Variants in NFATC3 observed in about 807,000 individuals in gnomAD.
The protein encoded by NFATC3 is nuclear factor of activated T cells 3, also known as nuclear factor of activated T-cells, cytoplasmic 3.
NFATC3 carries 46 observed loss-of-function variants against 98.6 expected under a neutral mutation model. The observed-to-expected ratio is 0.47, with a 90% confidence interval of 0.37 to 0.60. The LOEUF (loss-of-function observed/expected upper bound fraction) is 0.60. Ranked by LOEUF, NFATC3 falls within the 20% of genes least tolerant of loss-of-function variation. The pLI is 0.00. For synonymous variants in NFATC3, 512 were observed against 472.2 expected (o/e 1.08, Z -1.09); for missense variants, 1,256 against 1,295.5 (o/e 0.97, Z 0.47).
At position 68,183,285 on chromosome 16, in the gene NFATC3, A is replaced by G. The variant is rs774142846; in HGVS notation, c.2017A>G (p.Thr673Ala). Residue 673 changes from threonine (T) to alanine (A), a missense_variant, in exon 8 of 10, where the codon ACA becomes GCA. This residue lies in a region of NFATC3 where 636 missense variants were observed against 617.3 expected (regional missense o/e 1.03). Coordinates refer to ENST00000346183, the MANE Select transcript of NFATC3 (RefSeq NM_173165.3). ...TCCTCCATATCATAACCCAGCAGTT[A>G]CAGCTGCAGTGCAGGTGCACTTTTA... ...EVPPYHNPAV[T>A]AAVQVHFYLC... 1.6e-5 allele frequency: 25 copies of G among 1,607,190 alleles called. No homozygotes were observed. The African/African-American group carries it at 3.2e-4, about 21-fold the overall frequency.
intron 1 of NFATC3, among the ~76,000 whole-genome samples, chr16:68,095,734 C>T (rs1393636374): frequency 1.3e-5 from 2 of 152,120 alleles, no homozygotes; most frequent in Non-Finnish European, 2.9e-5. Flanking sequence ...TTTGCTTTGT[C>T]AGAGTCCTTG....
At chr16:68,160,395 G>A (rs908619432) in intron 4 of NFATC3, among the ~76,000 whole-genome samples, 1 of 152,048 alleles carries the variant, frequency 6.6e-6, no homozygotes, top group Non-Finnish European at 1.5e-5. Context: ...AATCCAGGAG[G>A]CAGAGGTTGT....
chr16:68,118,637 T>G (rs2036414384), intron 1 of NFATC3, among the ~76,000 whole-genome samples: 1 of 152,190 alleles, frequency 6.6e-6, no homozygotes, highest in Admixed American at 6.5e-5. Context: ...GATCTTTTGG[T>G]CTTATGGCTT....
chr16:68,111,381 T>C (rs2035938804), intron 1 of NFATC3, among the ~76,000 whole-genome samples: 1 of 152,216 alleles, frequency 6.6e-6, no homozygotes, highest in Non-Finnish European at 1.5e-5. Context: ...CTGTATGCCC[T>C]TCTTTGTCTT....
intron 1 of NFATC3, among the ~76,000 whole-genome samples, chr16:68,111,703 G>A (rs1156726917): frequency 6.6e-6 from 1 of 152,180 alleles, no homozygotes; most frequent in Non-Finnish European, 1.5e-5. Context: ...TGTTAATGTA[G>A]TTGCTTCATA....
chr16:68,178,955 T>C (rs1003617937), intron 6 of NFATC3, among the ~76,000 whole-genome samples: 1 of 152,212 alleles, frequency 6.6e-6, no homozygotes, highest in Non-Finnish European at 1.5e-5. Context: ...CTCCTTATTA[T>C]GGCATTCAGG....
intron 1 of NFATC3, among the ~76,000 whole-genome samples, chr16:68,116,139 C>CACA (rs2036265756): frequency 6.6e-6 from 1 of 152,032 alleles, no homozygotes; most frequent in Non-Finnish European, 1.5e-5. Flanking sequence ...TTCAGTAAAA[C>CACA]GTTATTTATG....
intron 5 of NFATC3, among the ~76,000 whole-genome samples, chr16:68,169,822 T>G (rs1809058100): frequency 6.6e-6 from 1 of 151,750 alleles, no homozygotes; most frequent in South Asian, 2.1e-4. Flanking sequence ...GTGCCTGTAA[T>G]CCCAGCTACT....
intron 3 of NFATC3, among the ~76,000 whole-genome samples, chr16:68,141,097 A>G (rs1292232088): frequency 2.6e-5 from 4 of 152,208 alleles, no homozygotes; most frequent in African/African-American, 4.8e-5. Flanking sequence ...ACTTTGAATA[A>G]TGGCCTTCAG....
rs1555512911 is a variant in NFATC3, at chr16:68,098,307, T to TTTTA, written c.103+12526_103+12527insATTT. On this transcript the variant is annotated intron_variant, in intron 1 of 9. Transcript: ENST00000346183. ...ATTATTATTATTATTATTATTTTTT[T>TTTTA]TTTTTTTTTTTTAGATGGAGTCTCA... Among the ~76,000 whole-genome samples the TTTTA allele has an allele frequency of 9.0e-4, 124 of 137,866 alleles. 1 individual carries two copies. Among genetic ancestry groups the TTTTA allele is most frequent in the African/African-American group, 3.2e-3 (118 of 36,484 alleles). 90.4% of individuals were successfully genotyped at this position (137,866 alleles called of 152,430 possible).
intron 1 of NFATC3, among the ~76,000 whole-genome samples, chr16:68,098,732 C>G (rs2035178263): frequency 6.6e-6 from 1 of 152,182 alleles, no homozygotes; most frequent in Non-Finnish European, 1.5e-5. Context: ...TTTAGCCATT[C>G]TAACAGGTGT....
chr16:68,219,640 A>G (rs2041781118), intron 9 of NFATC3, among the ~76,000 whole-genome samples: 2 of 152,142 alleles, frequency 1.3e-5, no homozygotes, highest in Admixed American at 1.3e-4. Flanking sequence ...GAATACCTTT[A>G]ATCTTCAGGT....
chr16:68,109,756 A>G (rs1436690520), intron 1 of NFATC3, among the ~76,000 whole-genome samples: 1 of 152,038 alleles, frequency 6.6e-6, no homozygotes, highest in African/African-American at 2.4e-5. Context: ...TTCATAACTC[A>G]TTATTGGTCT....
chr16:68,098,294 ATTATTATTTT>A (rs2035135461), intron 1 of NFATC3, among the ~76,000 whole-genome samples: 6 of 104,420 alleles, frequency 5.7e-5, no homozygotes, highest in African/African-American at 2.2e-4. Flanking sequence ...TATTATTATT[ATTATTATTTT>A]TTTTTTTTTT....
intron 1 of NFATC3, among the ~76,000 whole-genome samples, chr16:68,117,250 T>G (rs2036328003): frequency 6.6e-6 from 1 of 152,230 alleles, no homozygotes; most frequent in East Asian, 1.9e-4. Flanking sequence ...TTAGAAAGTT[T>G]TAGCTACCAT....
intron 9 of NFATC3, 165 bp downstream of exon 9, chr16:68,191,940 C>T (rs1022684574): frequency 3.0e-5 from 22 of 724,224 alleles, no homozygotes; most frequent in Non-Finnish European, 4.2e-5. Flanking sequence ...CCAGGTACCA[C>T]GGCTCACGCC....
Position 68,226,595 on chromosome 16 carries a change from G to A in NFATC3, c.*124G>A. On this transcript the variant is annotated 3_prime_UTR_variant, in exon 10 of 10. Transcript: ENST00000346183. The stretch of plus-strand genomic sequence containing the variant: ...AGGAGTGGGACCCACCATTTGTGGG[G>A]AAAGTAGCATTCCTCCACCTCAGGC... The A allele has an allele frequency of 8.6e-7, 1 of 1,157,174 alleles. No individual in the cohort carries two copies. The highest frequency in any genetic ancestry group is 2.2e-5 in the South Asian group (1 of 45,064). 71.7% of individuals were successfully genotyped at this position (1,157,174 alleles called of 1,614,324 possible). A position where few individuals can be genotyped will look rare whatever the true frequency, so the allele number is the denominator to read the frequency against.
At chr16:68,185,426 C>G (rs576116281) in intron 8 of NFATC3, among the ~76,000 whole-genome samples, 1 of 152,070 alleles carries the variant, frequency 6.6e-6, no homozygotes, top group Non-Finnish European at 1.5e-5. Flanking sequence ...TATGTCCTGT[C>G]CAAAGAGGTT....
chr16:68,203,522 A>G (rs2041015027), intron 9 of NFATC3, among the ~76,000 whole-genome samples: 1 of 152,036 alleles, frequency 6.6e-6, no homozygotes, highest in Admixed American at 6.6e-5. Flanking sequence ...AGTCCCAGCT[A>G]CTCGAGAGGC....
Sources: gnomAD v4.1 joint callset for allele counts (sites outside exome capture counted in the v4.1 genomes callset) on GRCh38, gnomAD v4.1.1 for gene constraint, gnomAD v4.1.1 regional missense constraint, MANE v1.5 for transcripts, NCBI Gene and HGNC (gene_info 2026-07-23, HGNC 2026-07-21) for gene names.